EXO1: variants seen among roughly 807,000 people sequenced by gnomAD.
EXO1 encodes the protein exonuclease 1.
Under a neutral mutation model 84.5 loss-of-function variants are expected in EXO1, and 69 were observed. The ratio of observed to expected loss-of-function variants is 0.82; its 90% CI spans 0.67 to 1.00. The LOEUF is 1.00. Ranked by LOEUF, EXO1 falls within the 50% of genes least tolerant of loss-of-function variation. The pLI, the probability that EXO1 is intolerant of heterozygous loss-of-function variation, is 0.00. For missense variants in EXO1, 1,045 were observed against 1,000.7 expected, an observed-to-expected ratio of 1.04 and a Z score of -0.60; for synonymous variants, 373 against 366.1, an observed-to-expected ratio of 1.02 and a Z score of -0.21.
At position 241,872,213 on chromosome 1, in the gene EXO1, T is replaced by C; in HGVS notation, c.1449T>C (p.Phe483=). 6.2e-7 allele frequency: 1 copy of C among 1,614,102 alleles called. No homozygotes were observed. Among genetic ancestry groups the C allele is most frequent in the Non-Finnish European group, 8.5e-7 (1 of 1,179,992 alleles). ...CTCCACCTAGGACGAGAAATAAATT[T>C]GCAACATTTTTACAAAGGAAAAATG... ...VSTPPRTRNK[F]ATFLQRKNEE... The change falls in exon 12 of 16, where the codon TTT becomes TTC. Residue 483 remains phenylalanine, a synonymous_variant. Coordinates refer to ENST00000366548, the MANE Select transcript of EXO1 (RefSeq NM_130398.4).
intron 10 of EXO1, among the ~76,000 whole-genome samples, chr1:241,862,838 C>T (rs1172416633): frequency 6.6e-6 from 1 of 152,178 alleles, no homozygotes; most frequent in Admixed American, 6.5e-5. Context: ...TTTTCCCAAG[C>T]TTCCAGTTTA....
At chr1:241,864,881 T>TC (rs1661618432) in intron 10 of EXO1, among the ~76,000 whole-genome samples, 1 of 150,826 alleles carries the variant, frequency 6.6e-6, no homozygotes, top group African/African-American at 2.4e-5. Context: ...TTTCTTTCTT[T>TC]TTTTTTTTTT....
chr1:241,888,767 G>A (rs1663202200), intron 15 of EXO1, among the ~76,000 whole-genome samples: 1 of 152,082 alleles, frequency 6.6e-6, no homozygotes, highest in Non-Finnish European at 1.5e-5. Flanking sequence ...GAAAACAACC[G>A]AGAGGGGAAT....
At chr1:241,870,025 T>C (rs1346333707) in intron 11 of EXO1, among the ~76,000 whole-genome samples, 1 of 152,204 alleles carries the variant, frequency 6.6e-6, no homozygotes. Context: ...TTGGCCAGGC[T>C]GGTCTTGAAC....
rs1297591823 is a variant in EXO1 at position 241,848,720 on chromosome 1, A to C, written c.-419-11A>C. The C allele has an allele frequency of 6.6e-6, 1 of 152,100 alleles. No homozygotes were observed. Among genetic ancestry groups the C allele is most frequent in the Non-Finnish European group, 1.5e-5 (1 of 68,038 alleles). 9.4% of individuals were successfully genotyped at this position (152,100 alleles called of 1,614,324 possible). On this transcript the variant is annotated splice_polypyrimidine_tract_variant and intron_variant, in intron 1 of 15. Transcript: ENST00000366548. This position sits in a 1 kb window ranked among gnomAD's most constrained non-coding sequence, Gnocchi z 4.2. The stretch of plus-strand genomic sequence containing the variant: ...ATGTTGACAAGTACATTTTCCCATA[A>C]TATTTTGCAGGCCTAAGGAAACGTG...
intron 10 of EXO1, among the ~76,000 whole-genome samples, chr1:241,862,538 T>A (rs979319247): frequency 5.3e-5 from 8 of 152,262 alleles, no homozygotes; most frequent in African/African-American, 1.4e-4. Flanking sequence ...ATGTTTTTAA[T>A]CAACTTTTAA....
Position 241,859,882 on chromosome 1 carries a change from A to G in EXO1, c.757-635A>G, listed in dbSNP as rs542070870. Among the ~76,000 whole-genome samples, 86 of 152,252 alleles carry G rather than the reference A, an allele frequency of 5.6e-4. 1 individual carries two copies. The highest frequency in any genetic ancestry group is 2.0e-3 in the African/African-American group (82 of 41,550). ...TGCAGAGCAGAAATTTCATTTTTCT[A>G]TTTCCAGGAGTATAAGGCCTGAGTC... On this transcript the variant is annotated intron_variant, in intron 8 of 15. Coordinates refer to ENST00000366548, the MANE Select transcript of EXO1 (RefSeq NM_130398.4).
intron 11 of EXO1, among the ~76,000 whole-genome samples, chr1:241,869,608 AT>A (rs1397394289): frequency 6.6e-6 from 1 of 152,142 alleles, no homozygotes; most frequent in Non-Finnish European, 1.5e-5. Flanking sequence ...AACCTAAATG[AT>A]TTTCATGATA....
intron 15 of EXO1, among the ~76,000 whole-genome samples, chr1:241,886,104 C>T (rs1051647000): frequency 2.6e-5 from 4 of 152,298 alleles, no homozygotes; most frequent in South Asian, 2.1e-4. Context: ...CCACCCGCCA[C>T]GGCCTCCCAA....
intron 11 of EXO1, among the ~76,000 whole-genome samples, chr1:241,869,091 T>A (rs1000732983): frequency 1.3e-5 from 2 of 152,230 alleles, no homozygotes; most frequent in African/African-American, 4.8e-5. Context: ...TTTTTCTTAG[T>A]ATAAGAATCT....
At chr1:241,860,335 A>G (rs957908035) in intron 8 of EXO1, among the ~76,000 whole-genome samples, 182 bp from the exon 9 acceptor site, 1 of 152,186 alleles carries the variant, frequency 6.6e-6, no homozygotes, top group South Asian at 2.1e-4. Context: ...AGAAAATACT[A>G]GTTATGAGAC....
In EXO1 at chr1:241,860,690, A is replaced by C. The variant is rs764359141; in HGVS notation, c.930A>C (p.Leu310=). The part of the protein sequence containing the change: ...AYEDDVDPET[L]SYAGQYVDDS... ...AAGATGATGTTGATCCTGAAACACT[A>C]AGCTACGCTGGGCAGTATCCTTTCT... Residue 310 remains leucine (L), a synonymous_variant, in exon 9 of 16, where the codon CTA becomes CTC. Coordinates refer to ENST00000366548, the MANE Select transcript of EXO1 (RefSeq NM_130398.4). 2.9e-5 allele frequency: 46 copies of C among 1,613,114 alleles called. No individual in the cohort carries two copies. The South Asian group carries it at 4.5e-4, about 16-fold the overall frequency.
chr1:241,859,609 G>C (rs144475397), intron 8 of EXO1, among the ~76,000 whole-genome samples: 1 of 152,060 alleles, frequency 6.6e-6, no homozygotes, highest in African/African-American at 2.4e-5. Flanking sequence ...ATCTCATAAC[G>C]TGTATATGCA....
intron 6 of EXO1, among the ~76,000 whole-genome samples, chr1:241,856,942 A>G (rs1661082089): frequency 6.6e-6 from 1 of 152,156 alleles, no homozygotes; most frequent in Admixed American, 6.5e-5. Flanking sequence ...CTGAGGTGGG[A>G]AGATCACCTG....
At position 241,858,552 on chromosome 1, in the gene EXO1, A is replaced by G. The variant is rs967355913; in HGVS notation, c.590A>G (p.Gln197Arg). The G allele has an allele frequency of 1.9e-6, 3 of 1,614,032 alleles. No homozygotes were observed. Among genetic ancestry groups the G allele is most frequent in the South Asian group, 1.1e-5 (1 of 91,092 alleles). The change falls in exon 8 of 16, where the codon CAA becomes CGA. Residue 197 changes from glutamine to arginine, a missense_variant. Gln to Arg is a conservative substitution (Grantham distance 43). Coordinates refer to ENST00000366548, the MANE Select transcript of EXO1 (RefSeq NM_130398.4). Reference sequence around the variant, plus strand: ...TTTGGAAATGGACTTGAAATTGATCAAGCTCGGCTAGGAATGTGCAGACAG... The same window carrying G: ...TTTGGAAATGGACTTGAAATTGATCGAGCTCGGCTAGGAATGTGCAGACAG... ...DQFGNGLEID[Q>R]ARLGMCRQLG... is the part of the protein sequence containing the mutation.
chr1:241,850,526 G>A lies in EXO1; in HGVS notation c.101G>A (p.Trp34Ter), dbSNP rs759683423. Residue 34 changes from tryptophan to a stop codon, truncating the protein, a stop_gained, in exon 4 of 16, where the codon TGG (tryptophan) becomes TAG (stop). Transcript: ENST00000366548. LOFTEE classifies it high-confidence loss of function. ...GQVVAVDTYC[W>*]LHKGAIACAE... ...GTAGTAGCTGTGGATACATATTGCTGGCTTCACAAAGGAGCTATTGCTTGT... is the reference window on the plus strand; with the variant it reads ...GTAGTAGCTGTGGATACATATTGCTAGCTTCACAAAGGAGCTATTGCTTGT... 1.9e-6 allele frequency: 3 copies of A among 1,614,010 alleles called. No homozygotes were observed. Among genetic ancestry groups the A allele is most frequent in the East Asian group, 2.2e-5 (1 of 44,862 alleles).
intron 13 of EXO1, 141 bp from the exon 14 acceptor site, chr1:241,881,775 T>C (rs1662769429): frequency 1.9e-6 from 1 of 526,836 alleles, no homozygotes; most frequent in Non-Finnish European, 3.4e-6. Context: ...AATATCATCC[T>C]TTCCATATTA....
At chr1:241,853,525 C>T (rs1344424864) in intron 6 of EXO1, 44 bp downstream of exon 6, 2 of 1,610,276 alleles carry the variant, frequency 1.2e-6, no homozygotes, top group East Asian at 2.2e-5. Flanking sequence ...AAGCTAGTTA[C>T]AACTTGTTTA....
intron 6 of EXO1, among the ~76,000 whole-genome samples, chr1:241,853,844 C>A (rs1411524253): frequency 6.6e-6 from 1 of 152,068 alleles, no homozygotes; most frequent in African/African-American, 2.4e-5. Context: ...GAGACCCTGT[C>A]TCTATTAAAA....
Sources: gnomAD v4.1 joint callset for allele counts (sites outside exome capture counted in the v4.1 genomes callset) on GRCh38, gnomAD v4.1.1 for gene constraint, Gnocchi (gnomAD v3.1) non-coding constraint, MANE v1.5 for transcripts, NCBI Gene and HGNC (gene_info 2026-07-23, HGNC 2026-07-21) for gene names.